NEXMIF: variants seen among roughly 807,000 people sequenced by gnomAD.
NEXMIF encodes the protein XLMR protein related to neurite extension.
Under a neutral mutation model 62.1 loss-of-function variants are expected in NEXMIF, and 8 were observed. The ratio of observed to expected loss-of-function variants is 0.13; its 90% confidence interval spans 0.08 to 0.23. NEXMIF has a LOEUF of 0.23. Ranked by LOEUF, NEXMIF falls within the 10% of genes least tolerant of loss-of-function variation. The pLI, the probability that NEXMIF is intolerant of heterozygous loss-of-function variation, is 1.00. For missense variants in NEXMIF, 976 were observed against 1,113.3 expected (o/e 0.88, Z 1.75); for synonymous variants, 404 against 416.6 (o/e 0.97, Z 0.37).
intron 1 of NEXMIF, among the ~76,000 whole-genome samples, chrX:74,827,903 T>A (rs752667688): frequency 8.9e-5 from 10 of 112,245 alleles, no homozygotes; most frequent in African/African-American, 3.2e-4. Flanking sequence ...GATATTTTTG[T>A]CTTGTTGCCT....
intron 1 of NEXMIF, among the ~76,000 whole-genome samples, chrX:74,886,178 C>T (rs1028134702): frequency 4.5e-5 from 5 of 111,319 alleles, no homozygotes; most frequent in Non-Finnish European, 9.4e-5. Context: ...TATGACAAAC[C>T]CACAGCCAAT....
intron 1 of NEXMIF, among the ~76,000 whole-genome samples, chrX:74,794,684 C>CT (rs1335053213): frequency 1.8e-5 from 2 of 111,927 alleles, no homozygotes; most frequent in Admixed American, 1.9e-4. Context: ...CGTGGTGCGC[C>CT]TTTTTTTAAG....
chrX:74,922,329 G>A (rs1385332404), intron 1 of NEXMIF, among the ~76,000 whole-genome samples: 1 of 62,479 alleles, frequency 1.6e-5, no homozygotes, highest in Non-Finnish European at 2.8e-5. Context: ...TGGCAACAGG[G>A]TGTTATGGGT....
At chrX:74,901,681 C>T (rs909163083) in intron 1 of NEXMIF, among the ~76,000 whole-genome samples, 1 of 111,655 alleles carries the variant, frequency 9.0e-6, no homozygotes, top group African/African-American at 3.3e-5. Context: ...GGGGGCTGTT[C>T]TACTAACCCA....
intron 1 of NEXMIF, among the ~76,000 whole-genome samples, chrX:74,887,315 T>C (rs1383924117): frequency 9.0e-6 from 1 of 110,645 alleles, no homozygotes; most frequent in East Asian, 3.0e-4. Context: ...CTAATTAAAC[T>C]AAAGAGCTTC....
intron 1 of NEXMIF, among the ~76,000 whole-genome samples, chrX:74,922,537 C>G (rs2080830489): frequency 1.8e-5 from 2 of 112,089 alleles, no homozygotes; most frequent in African/African-American, 6.5e-5. Context: ...AAATGACTTT[C>G]TCTAGCTTAC....
chrX:74,746,337 A>G (rs1958792093), intron 1 of NEXMIF, among the ~76,000 whole-genome samples: 1 of 112,099 alleles, frequency 8.9e-6, no homozygotes, highest in Admixed American at 9.5e-5. Context: ...TGTGACTACA[A>G]AGAAGATTAG....
chrX:74,826,997 A>G (rs2080420503), intron 1 of NEXMIF, among the ~76,000 whole-genome samples: 2 of 112,014 alleles, frequency 1.8e-5, no homozygotes, highest in Admixed American at 1.9e-4. Context: ...TTATTTGCCA[A>G]GAAAGCTAAG....
At chrX:74,768,384 T>C (rs1443474176) in intron 1 of NEXMIF, among the ~76,000 whole-genome samples, 3 of 112,259 alleles carry the variant, frequency 2.7e-5, no homozygotes, top group Non-Finnish European at 5.6e-5. Context: ...CTTCTCTCCA[T>C]GAAAGCAGCA....
rs1353463530 is a variant in NEXMIF, at chrX:74,741,298, C to CACATCTGGT, written c.3250_3258dup (p.Thr1084_Cys1086dup). The stretch of plus-strand genomic sequence containing the variant: ...AGTGTTCCTAGTGTCTTCATACTCT[C>CACATCTGGT]ACATCTGGTAATTTGAGGGGAAAGA... On this transcript the variant is annotated inframe_insertion, in exon 3 of 4. Transcript: ENST00000055682. The CACATCTGGT allele has an allele frequency of 8.3e-7, 1 of 1,209,262 alleles. No individual in the cohort carries two copies. The highest frequency in any genetic ancestry group is 3.0e-5 in the East Asian group (1 of 33,744).
At chrX:74,877,967 G>C (rs984159289) in intron 1 of NEXMIF, among the ~76,000 whole-genome samples, 1 of 111,894 alleles carries the variant, frequency 8.9e-6, no homozygotes, top group Non-Finnish European at 1.9e-5. Context: ...TAATTTGATC[G>C]TCTGAAGCCT....
At chrX:74,835,060 T>C (rs899841667) in intron 1 of NEXMIF, among the ~76,000 whole-genome samples, 9 of 112,194 alleles carry the variant, frequency 8.0e-5, no homozygotes, top group African/African-American at 2.9e-4. Context: ...TAATTCTTTC[T>C]TGTGCTCGAT....
chrX:74,796,201 CAT>C (rs1171793352), intron 1 of NEXMIF, among the ~76,000 whole-genome samples: 3 of 16,557 alleles, frequency 1.8e-4, no homozygotes, highest in South Asian at 1.5e-3. Flanking sequence ...TATATATATA[CAT>C]ATATATTATA....
chrX:74,779,907 C>T (rs554407297), intron 1 of NEXMIF, among the ~76,000 whole-genome samples: 1 of 111,889 alleles, frequency 8.9e-6, no homozygotes, highest in Admixed American at 9.5e-5. Flanking sequence ...ATCCTTGCTG[C>T]TTGATTCCCT....
chrX:74,808,028 A>C (rs2080350059), intron 1 of NEXMIF, among the ~76,000 whole-genome samples: 1 of 111,915 alleles, frequency 8.9e-6, no homozygotes, highest in African/African-American at 3.3e-5. Flanking sequence ...TATTGATATA[A>C]TCTTATGATT....
intron 1 of NEXMIF, among the ~76,000 whole-genome samples, chrX:74,884,796 C>A (rs773675118): frequency 1.8e-5 from 2 of 111,562 alleles, no homozygotes; most frequent in South Asian, 7.6e-4. Context: ...CCAAGCGGGC[C>A]TAATAGACAT....
At position 74,771,427 on chromosome X, in the gene NEXMIF, A is replaced by G. The variant is rs759796816; in HGVS notation, c.-47-25730T>C. On this transcript the variant is annotated intron_variant, in intron 1 of 3. Coordinates refer to ENST00000055682, the MANE Select transcript of NEXMIF (RefSeq NM_001008537.3). Reference sequence around the variant, plus strand: ...TTAGGGATATTGTCTAAAAGTAGCTACCTGTTACTGCTAAACATTCTCTCA... The same window carrying G: ...TTAGGGATATTGTCTAAAAGTAGCTGCCTGTTACTGCTAAACATTCTCTCA... 2.7e-5 allele frequency among the ~76,000 whole-genome samples: 3 copies of G among 111,157 alleles called. No individual in the cohort carries two copies. In the Admixed American group the frequency reaches 2.9e-4, roughly 11 times the overall value.
intron 1 of NEXMIF, among the ~76,000 whole-genome samples, chrX:74,746,205 T>C (rs2015842736): frequency 8.9e-6 from 1 of 112,386 alleles, no homozygotes; most frequent in South Asian, 3.7e-4. Context: ...TCTCTTTCTG[T>C]GCCTTAAAAT....
chrX:74,897,821 G>A (rs756698908), intron 1 of NEXMIF, among the ~76,000 whole-genome samples: 11 of 111,975 alleles, frequency 9.8e-5, no homozygotes, highest in Non-Finnish European at 2.1e-4. Context: ...CATGGTGAAG[G>A]TATGTCAAAG....
Sources: gnomAD v4.1 joint callset for allele counts (sites outside exome capture counted in the v4.1 genomes callset) on GRCh38, gnomAD v4.1.1 for gene constraint, MANE v1.5 for transcripts, NCBI Gene and HGNC (gene_info 2026-07-23, HGNC 2026-07-21) for gene names.